Variants in CHEK1 observed in about 807,000 individuals in gnomAD.
The protein encoded by CHEK1 is serine/threonine-protein kinase Chk1.
A neutral mutation model predicts 60.2 loss-of-function variants in CHEK1; 32 were observed. The observed-to-expected ratio is 0.53, with a 90% CI of 0.40 to 0.71. The LOEUF is 0.71. CHEK1 is among the 30% of genes least tolerant of loss of function. The pLI, the probability that CHEK1 is intolerant of heterozygous loss-of-function variation, is 0.00. For missense variants in CHEK1, 399 were observed against 564.6 expected (o/e 0.71, Z 2.97); for synonymous variants, 179 against 187.2 (o/e 0.96, Z 0.36).
chr11:125,649,731 CAAA>C (rs35885200), intron 11 of CHEK1: 12 of 129,472 alleles, frequency 9.3e-5, no homozygotes, highest in Non-Finnish European at 1.3e-4. Context: ...AAGACTGTCT[CAAA>C]AAAAAAAAAA....
At chr11:125,681,011 A>G (rs1942769394), downstream of CHEK1, 6 of 444,434 alleles carry the variant, frequency 1.4e-5, no homozygotes, top group Admixed American at 7.6e-5. This position sits in a 1 kb window ranked among gnomAD's most constrained non-coding sequence, Gnocchi z 4.2. Context: ...GTGAAGACCA[A>G]TGATTATTTT....
chr11:125,668,497 GT>G (rs1942139170), intron 13 of CHEK1, among the ~76,000 whole-genome samples: 1 of 151,944 alleles, frequency 6.6e-6, no homozygotes, highest in African/African-American at 2.4e-5. Flanking sequence ...ATTGTTGGGG[GT>G]TTTTTAAAAT....
intron 5 of CHEK1, among the ~76,000 whole-genome samples, chr11:125,631,818 C>T (rs573496852): frequency 4.3e-5 from 5 of 115,350 alleles, no homozygotes; most frequent in South Asian, 3.1e-4. Context: ...GCTGTGATCA[C>T]ATCACTACAC....
At chr11:125,658,205 A>T (rs1356345170), downstream of CHEK1, among the ~76,000 whole-genome samples, 1 of 152,088 alleles carries the variant, frequency 6.6e-6, no homozygotes, top group Non-Finnish European at 1.5e-5. Context: ...AGTAACTGGG[A>T]CCACAGGCAC....
At chr11:125,675,003 C>T (rs1942420759) in intron 13 of CHEK1, among the ~76,000 whole-genome samples, 1 of 152,172 alleles carries the variant, frequency 6.6e-6, no homozygotes, top group Non-Finnish European at 1.5e-5. Context: ...ACCCATCAAC[C>T]ATTGCTGTAT....
At chr11:125,640,152 T>G (rs1235745701) in intron 8 of CHEK1, among the ~76,000 whole-genome samples, 1 of 152,234 alleles carries the variant, frequency 6.6e-6, no homozygotes, top group African/African-American at 2.4e-5. Flanking sequence ...CAGTGATTTT[T>G]GGAACGTGTT....
chr11:125,648,559 G>C (rs530115502), intron 11 of CHEK1, among the ~76,000 whole-genome samples: 19 of 151,120 alleles, frequency 1.3e-4, no homozygotes, highest in Admixed American at 1.1e-3. Context: ...TCCAGCCTGG[G>C]CGACAGATCA....
chr11:125,680,812 G>A (rs1368710758), downstream of CHEK1: 2 of 1,586,960 alleles, frequency 1.3e-6, no homozygotes, highest in Non-Finnish European at 1.7e-6. Flanking sequence ...ACCCCAGTGT[G>A]GGCCACAGCT....
At position 125,637,640 on chromosome 11, in the gene CHEK1, ATC is replaced by A. The variant is rs1433120906; in HGVS notation, c.814+100_814+101del. On this transcript the variant is annotated intron_variant, in intron 8 of 12. Coordinates refer to ENST00000438015, the MANE Select transcript of CHEK1 (RefSeq NM_001114122.3). Reference sequence around the variant, plus strand: ...AAGTCAACAACACATGATAGCTATGATCTCTGTCCTCATGGAGATTATAATGT... The same window carrying A: ...AAGTCAACAACACATGATAGCTATGATCTGTCCTCATGGAGATTATAATGT... 65 of 709,296 alleles carry A rather than the reference ATC, an allele frequency of 9.2e-5. No homozygotes were observed. The African/African-American group carries it at 1.1e-3, about 12-fold the overall frequency. 43.9% of individuals were successfully genotyped at this position (709,296 alleles called of 1,614,324 possible).
At chr11:125,649,015 CTG>C (rs1395093077) in intron 11 of CHEK1, among the ~76,000 whole-genome samples, 3 of 152,140 alleles carry the variant, frequency 2.0e-5, no homozygotes, top group Non-Finnish European at 4.4e-5. Context: ...GATGCAGTCT[CTG>C]TGTTTACCAG....
At chr11:125,668,799 C>T (rs919825947) in intron 13 of CHEK1, among the ~76,000 whole-genome samples, 6 of 152,094 alleles carry the variant, frequency 3.9e-5, no homozygotes, top group Admixed American at 2.6e-4. Flanking sequence ...TTAAGCAATC[C>T]TCCCATGTCA....
At chr11:125,658,685 C>CTTTTTTTTTTTTTTTTTTTT (rs67342073), downstream of CHEK1, among the ~76,000 whole-genome samples, 1 of 34,874 alleles carries the variant, frequency 2.9e-5, no homozygotes, top group Admixed American at 5.3e-4. Flanking sequence ...ATGGCTTTTG[C>CTTTTTTTTTTTTTTTTTTTT]TTTTTTTTTT....
chr11:125,632,774 A>G (rs937229373), intron 5 of CHEK1, among the ~76,000 whole-genome samples: 9 of 152,110 alleles, frequency 5.9e-5, no homozygotes, highest in African/African-American at 1.9e-4. Flanking sequence ...AGTTGTGCCT[A>G]ACATACTACT....
intron 11 of CHEK1, among the ~76,000 whole-genome samples, chr11:125,650,494 T>C (rs1941683971): frequency 6.7e-6 from 1 of 150,180 alleles, no homozygotes; most frequent in Non-Finnish European, 1.5e-5. Flanking sequence ...TTTGCTCTTG[T>C]TGCCCAGGCT....
Position 125,625,459 on chromosome 11 carries a change from C to G in CHEK1, c.-574C>G. The G allele has an allele frequency of 2.9e-6, 1 of 346,594 alleles. No individual in the cohort carries two copies. The highest frequency in any genetic ancestry group is 5.3e-6 in the Non-Finnish European group (1 of 189,074). 21.5% of individuals were successfully genotyped at this position (346,594 alleles called of 1,614,324 possible). A position where few individuals can be genotyped will look rare whatever the true frequency, so the allele number is the denominator to read the frequency against. ...CTTCACAGTCGGCTCTCAGCAGCTGCTGCTGGTTTCTCGGCTCCAGCACCA... is the reference window on the plus strand; with the variant it reads ...CTTCACAGTCGGCTCTCAGCAGCTGGTGCTGGTTTCTCGGCTCCAGCACCA... On this transcript the variant is annotated 5_prime_UTR_variant, in exon 1 of 13. Coordinates refer to ENST00000438015, the MANE Select transcript of CHEK1 (RefSeq NM_001114122.3).
intron 3 of CHEK1, among the ~76,000 whole-genome samples, chr11:125,628,757 G>A (rs1471493392): frequency 6.6e-6 from 1 of 152,056 alleles, no homozygotes; most frequent in Admixed American, 6.6e-5. Flanking sequence ...ACTCCAGCCT[G>A]GGTGAAAGAA....
chr11:125,632,307 TG>T (rs1940897409), intron 5 of CHEK1, among the ~76,000 whole-genome samples: 1 of 152,202 alleles, frequency 6.6e-6, no homozygotes, highest in Non-Finnish European at 1.5e-5. Context: ...GATATAGAAG[TG>T]GGAATTGCTA....
intron 13 of CHEK1, among the ~76,000 whole-genome samples, chr11:125,669,955 A>G (rs552001971): frequency 1.3e-5 from 2 of 152,158 alleles, no homozygotes; most frequent in African/African-American, 4.8e-5. Flanking sequence ...TTTCTGTCTC[A>G]TCTCTTTCCT....
chr11:125,635,605 C>G (rs1453801082), intron 7 of CHEK1, 72 bp downstream of exon 7: 1 of 994,054 alleles, frequency 1.0e-6, no homozygotes, highest in Non-Finnish European at 1.5e-6. Flanking sequence ...TGAATTTTTT[C>G]TTACTTTTTT....
Sources: gnomAD v4.1 joint callset for allele counts (sites outside exome capture counted in the v4.1 genomes callset) on GRCh38, gnomAD v4.1.1 for gene constraint, Gnocchi (gnomAD v3.1) non-coding constraint, MANE v1.5 for transcripts, NCBI Gene and HGNC (gene_info 2026-07-23, HGNC 2026-07-21) for gene names.